The following LITAF variants were observed in gnomAD, a reference collection of about 807,000 sequenced individuals.
LITAF encodes lipopolysaccharide-induced tumor necrosis factor-alpha factor.
LITAF carries 9 observed loss-of-function variants against 14.5 expected under a neutral mutation model. The observed-to-expected ratio is 0.62, with a 90% CI of 0.37 to 1.08. The LOEUF (loss-of-function observed/expected upper bound fraction) is 1.08, where lower values mean the gene tolerates loss of function less well. Ranked by LOEUF, LITAF falls within the 50% of genes least tolerant of loss-of-function variation. LITAF has a pLI of 0.01. For synonymous variants in LITAF, 98 were observed against 88.2 expected, an observed-to-expected ratio of 1.11 and a Z score of -0.62; for missense variants, 206 against 213.4, an observed-to-expected ratio of 0.97 and a Z score of 0.22.
chr16:11,614,515 G>T (rs1406045770), intron 3 of LITAF, among the ~76,000 whole-genome samples: 1 of 151,986 alleles, frequency 6.6e-6, no homozygotes, highest in African/African-American at 2.4e-5. Flanking sequence ...GGCCAGGCTG[G>T]TCTCGAACTC....
chr16:11,623,143 T>C (rs2065061914), intron 3 of LITAF, among the ~76,000 whole-genome samples: 1 of 151,278 alleles, frequency 6.6e-6, no homozygotes, highest in South Asian at 2.1e-4. Flanking sequence ...TTTGTATTTT[T>C]AGTAGAGACG....
At chr16:11,573,847 G>A (rs942937831) in intron 1 of LITAF, among the ~76,000 whole-genome samples, 19 of 150,814 alleles carry the variant, frequency 1.3e-4, no homozygotes, top group African/African-American at 3.2e-4. Flanking sequence ...GATTACAGGC[G>A]CCCACCACCA....
chr16:11,638,024 C>A (rs3972321), upstream of LITAF, among the ~76,000 whole-genome samples: 1,516 of 72,104 alleles, frequency 0.021, 198 homozygotes, highest in Admixed American at 0.079. Context: ...CTATATATAT[C>A]TATATATCTA....
chr16:11,573,258 C>T (rs1203991448), intron 1 of LITAF, among the ~76,000 whole-genome samples: 1 of 152,042 alleles, frequency 6.6e-6, no homozygotes, highest in East Asian at 1.9e-4. Context: ...ACCCCATAAC[C>T]AATGCCATGA....
chr16:11,626,871 G>C (rs1162139243), intron 3 of LITAF, among the ~76,000 whole-genome samples: 1 of 151,408 alleles, frequency 6.6e-6, no homozygotes, highest in East Asian at 1.9e-4. Context: ...TTTTGAAATG[G>C]AGTCTCTGTC....
At chr16:11,635,851 C>T (rs1209968743) in exon 2 of LITAF, 3 of 152,200 alleles carry the variant, frequency 2.0e-5, no homozygotes, top group Non-Finnish European at 2.9e-5. Flanking sequence ...AGACCTGTGT[C>T]GCAGGTGGCA....
intron 1 of LITAF, among the ~76,000 whole-genome samples, chr16:11,582,981 G>A (rs2064761884): frequency 6.6e-6 from 1 of 152,146 alleles, no homozygotes; most frequent in Non-Finnish European, 1.5e-5. Flanking sequence ...TCCTGAAAAT[G>A]TTCAAGGTGA....
At chr16:11,550,369 C>T (rs1457095547) in intron 3 of LITAF, among the ~76,000 whole-genome samples, 5 of 152,044 alleles carry the variant, frequency 3.3e-5, no homozygotes, top group Non-Finnish European at 5.9e-5. Flanking sequence ...GGATTACAGG[C>T]GAGAGCCACC....
Position 11,605,929 on chromosome 16 carries a change from G to A in LITAF, c.85+27604C>T, listed in dbSNP as rs972172793. ...AAGACCAACCTCTCCCACGGCCTGC[G>A]CACAGCCTGATCTTCTGGGAGCCCC... On this transcript the variant is annotated intron_variant, in intron 3 of 3. Coordinates refer to the LITAF transcript ENST00000574848. This position sits in a 1 kb window ranked among gnomAD's most constrained non-coding sequence, Gnocchi z 4.7. Among the ~76,000 whole-genome samples, 4 of 152,164 alleles carry A rather than the reference G, an allele frequency of 2.6e-5. No individual in the cohort carries two copies. The highest frequency in any genetic ancestry group is 4.4e-5 in the Non-Finnish European group (3 of 68,030).
chr16:11,580,071 C>A (rs1040120596), intron 1 of LITAF, among the ~76,000 whole-genome samples: 3 of 152,150 alleles, frequency 2.0e-5, no homozygotes, highest in Non-Finnish European at 4.4e-5. Flanking sequence ...AAAGGAAATG[C>A]TCATTGGAGC....
At chr16:11,598,337 T>G (rs2064905076) in intron 1 of LITAF, 1 of 148,922 alleles carries the variant, frequency 6.7e-6, no homozygotes, top group Admixed American at 6.7e-5. Context: ...GCCACTCTTC[T>G]ACTCGGCTTG....
intron 3 of LITAF, among the ~76,000 whole-genome samples, chr16:11,630,104 C>A (rs1042500891): frequency 5.3e-5 from 8 of 152,108 alleles, no homozygotes; most frequent in Admixed American, 1.3e-4. Context: ...CACACAGGAC[C>A]CCGGAAGAAC....
chr16:11,620,319 G>A (rs1438308943), intron 3 of LITAF, among the ~76,000 whole-genome samples: 4 of 152,130 alleles, frequency 2.6e-5, no homozygotes, highest in African/African-American at 9.7e-5. Flanking sequence ...CTCTCACTCT[G>A]AGTTCATGGG....
intron 2 of LITAF, among the ~76,000 whole-genome samples, chr16:11,555,648 G>C (rs927378406): frequency 3.6e-5 from 5 of 139,118 alleles, no homozygotes; most frequent in Non-Finnish European, 6.2e-5. Flanking sequence ...AACATGGTGA[G>C]ACCCTGTCTC....
At chr16:11,591,390 G>T (rs2064844915), upstream of LITAF, among the ~76,000 whole-genome samples, 1 of 138,318 alleles carries the variant, frequency 7.2e-6, no homozygotes, top group African/African-American at 2.9e-5. Flanking sequence ...TCACTATGTT[G>T]CCCAGGCTGG....
chr16:11,589,754 GA>G (rs1161806963), upstream of LITAF, among the ~76,000 whole-genome samples: 2 of 151,374 alleles, frequency 1.3e-5, no homozygotes, highest in African/African-American at 4.9e-5. Context: ...CAGTAGCTGG[GA>G]CTACAGGCAT....
intron 3 of LITAF, chr16:11,629,034 C>G (rs1398702332): frequency 6.6e-6 from 1 of 152,388 alleles, no homozygotes; most frequent in Non-Finnish European, 1.5e-5. Context: ...GCCTTGAACT[C>G]CTGGCCTCAA....
At chr16:11,598,883 A>C (rs567635681), upstream of LITAF, among the ~76,000 whole-genome samples, 10 of 151,648 alleles carry the variant, frequency 6.6e-5, no homozygotes, top group African/African-American at 1.7e-4. Context: ...GCAGTGGCGC[A>C]ATCTCGGCTC....
chr16:11,623,660 A>C (rs1473348640), intron 3 of LITAF, among the ~76,000 whole-genome samples: 2 of 139,090 alleles, frequency 1.4e-5, no homozygotes, highest in Non-Finnish European at 3.2e-5. Flanking sequence ...ACTTTGTCTC[A>C]AAAAAAAAAA....
Sources: gnomAD v4.1 joint callset for allele counts (sites outside exome capture counted in the v4.1 genomes callset) on GRCh38, gnomAD v4.1.1 for gene constraint, Gnocchi (gnomAD v3.1) non-coding constraint, MANE v1.5 for transcripts, NCBI Gene and HGNC (gene_info 2026-07-23, HGNC 2026-07-21) for gene names.